The following NELL1 variants were observed in gnomAD, a reference collection of about 807,000 sequenced individuals.
NELL1 encodes protein kinase C-binding protein NELL1.
A neutral mutation model predicts 107.4 loss-of-function variants in NELL1; 76 were observed. The observed-to-expected ratio is 0.71, with a 90% CI of 0.59 to 0.86. The LOEUF (loss-of-function observed/expected upper bound fraction) is 0.86, where lower values mean the gene tolerates loss of function less well. NELL1 is among the 40% of genes least tolerant of loss of function. The pLI is 0.00. For synonymous variants in NELL1, 353 were observed against 341.2 expected, an observed-to-expected ratio of 1.03 and a Z score of -0.38; for missense variants, 1,024 against 1,005.5, an observed-to-expected ratio of 1.02 and a Z score of -0.25.
intron 9 of NELL1, 40 bp from the exon 10 acceptor site, chr11:20,937,746 A>G: frequency 2.0e-6 from 3 of 1,504,262 alleles, no homozygotes; most frequent in Non-Finnish European, 2.8e-6. Flanking sequence ...ATTTTGTGGC[A>G]CAGCAGGACT....
chr11:20,748,849 A>G (rs1370460290), intron 2 of NELL1, among the ~76,000 whole-genome samples: 2 of 149,938 alleles, frequency 1.3e-5, no homozygotes, highest in East Asian at 1.9e-4. Context: ...TGTCTTTGCA[A>G]TTGCGTATTG....
chr11:20,769,715 A>G (rs575211470), intron 2 of NELL1: 70 of 152,652 alleles, frequency 4.6e-4, no homozygotes, highest in African/African-American at 1.6e-3. Context: ...AGGCACGGAG[A>G]TGGCTGGAAC....
intron 2 of NELL1, among the ~76,000 whole-genome samples, chr11:20,716,212 G>A (rs1855246404): frequency 6.6e-6 from 1 of 152,210 alleles, no homozygotes; most frequent in African/African-American, 2.4e-5. Context: ...CAGGCATGGG[G>A]CCACGTGCCT....
At chr11:20,907,998 T>C (rs1370591635) in intron 5 of NELL1, among the ~76,000 whole-genome samples, 2 of 152,032 alleles carry the variant, frequency 1.3e-5, no homozygotes, top group African/African-American at 2.4e-5. Context: ...AAAATGATAA[T>C]GAGATACCAT....
rs1249400874 is a variant in NELL1, at chr11:21,299,744, G to A, written c.1549+70290G>A. ...ACTTTGACATCTGAAAGCAATAGGA[G>A]CCATAGATAATATGTAGACTAATAA... is the stretch of plus-strand genomic sequence containing the variant. On this transcript the variant is annotated intron_variant, in intron 14 of 19. Transcript: ENST00000357134. Among the ~76,000 whole-genome samples the A allele has an allele frequency of 2.2e-4, 33 of 151,906 alleles. 1 individual carries two copies. Among genetic ancestry groups the A allele is most frequent in the Non-Finnish European group, 1.0e-4 (7 of 67,966 alleles).
intron 2 of NELL1, among the ~76,000 whole-genome samples, chr11:20,721,655 C>A (rs1015749197): frequency 1.3e-5 from 2 of 152,172 alleles, no homozygotes; most frequent in African/African-American, 4.8e-5. Context: ...GGAGGGGCAG[C>A]AAATATTTGT....
At chr11:21,380,016 A>G (rs532061768) in intron 15 of NELL1, among the ~76,000 whole-genome samples, 1 of 152,214 alleles carries the variant, frequency 6.6e-6, no homozygotes, top group African/African-American at 2.4e-5. Context: ...CTCTCCAGTT[A>G]TCACAGGACT....
At chr11:21,573,681 T>C (rs75320881) in intron 19 of NELL1, among the ~76,000 whole-genome samples, 1,897 of 151,604 alleles carry the variant, frequency 0.013, 35 homozygotes, top group East Asian at 0.072. Context: ...TAATTATGAC[T>C]AACTTAGGCT....
chr11:21,494,562 GTAT>G (rs1854926290), intron 15 of NELL1, among the ~76,000 whole-genome samples: 1 of 151,630 alleles, frequency 6.6e-6, no homozygotes, highest in Non-Finnish European at 1.5e-5. Flanking sequence ...TATGAACATG[GTAT>G]TATACTATAT....
chr11:21,306,027 G>T (rs1849598080), intron 14 of NELL1, among the ~76,000 whole-genome samples: 1 of 151,822 alleles, frequency 6.6e-6, no homozygotes, highest in Admixed American at 6.6e-5. Flanking sequence ...GTTAAAATTG[G>T]CACTTGTTAG....
At chr11:21,017,736 A>C (rs935506123) in intron 12 of NELL1, among the ~76,000 whole-genome samples, 3 of 152,108 alleles carry the variant, frequency 2.0e-5, no homozygotes, top group African/African-American at 7.2e-5. Flanking sequence ...CTTGCATAAT[A>C]TATCCATTCC....
intron 12 of NELL1, among the ~76,000 whole-genome samples, chr11:21,068,009 G>A (rs1263399889): frequency 1.7e-5 from 2 of 115,770 alleles, no homozygotes; most frequent in Admixed American, 2.3e-4. Flanking sequence ...CTCCAGCCTG[G>A]GCAACAGAGT....
At chr11:21,106,528 CT>C (rs1260993536) in intron 12 of NELL1, among the ~76,000 whole-genome samples, 15 of 152,112 alleles carry the variant, frequency 9.9e-5, no homozygotes, top group Non-Finnish European at 1.9e-4. Context: ...TTAAGTGTCA[CT>C]TTTTATTACC....
At chr11:20,677,787 C>T in intron 1 of NELL1, 145 bp from the exon 2 acceptor site, 1 of 908,368 alleles carries the variant, frequency 1.1e-6, no homozygotes, top group Non-Finnish European at 1.7e-6. Context: ...CAAAGATTTG[C>T]TTTTCTTTTC....
intron 13 of NELL1, among the ~76,000 whole-genome samples, chr11:21,151,872 G>A (rs1856125546): frequency 6.6e-6 from 1 of 152,162 alleles, no homozygotes; most frequent in African/African-American, 2.4e-5. Context: ...ATTACACAAA[G>A]TAAGATATGT....
rs1046374874 is a variant in NELL1, at chr11:21,173,687, C to A, written c.1427-55645C>A. On this transcript the variant is annotated intron_variant, in intron 13 of 19. Transcript: ENST00000357134. Reference sequence around the variant, plus strand: ...GGACAGTGCTTGGCATTGTGCCTGACATATGGTGGGTGGCATTTCATAAGT... The same window carrying A: ...GGACAGTGCTTGGCATTGTGCCTGAAATATGGTGGGTGGCATTTCATAAGT... Among the ~76,000 whole-genome samples the A allele has an allele frequency of 1.3e-5, 2 of 151,684 alleles. 1 individual carries two copies. The highest frequency in any genetic ancestry group is 2.9e-5 in the Non-Finnish European group (2 of 68,010).
chr11:20,924,847 T>C (rs1238796721), intron 7 of NELL1, among the ~76,000 whole-genome samples: 2 of 152,206 alleles, frequency 1.3e-5, no homozygotes, highest in African/African-American at 4.8e-5. Context: ...AGTGATAAGT[T>C]GTTACTTTCT....
chr11:20,712,608 TC>T (rs1158652452), intron 2 of NELL1, among the ~76,000 whole-genome samples: 1 of 152,210 alleles, frequency 6.6e-6, no homozygotes, highest in African/African-American at 2.4e-5. Flanking sequence ...GGTAGAGTAA[TC>T]CAGTAGAGAG....
At chr11:20,987,047 T>C (rs112570600) in intron 12 of NELL1, among the ~76,000 whole-genome samples, 56 of 152,216 alleles carry the variant, frequency 3.7e-4, no homozygotes, top group African/African-American at 1.4e-3. Flanking sequence ...TTTTGCCTGG[T>C]ACACCCCTGG....
Sources: allele counts gnomAD v4.1 joint callset (sites outside exome capture counted in the v4.1 genomes callset), GRCh38; gene constraint gnomAD v4.1.1; transcripts MANE v1.5; gene names NCBI Gene and HGNC (gene_info 2026-07-23, HGNC 2026-07-21).